Variants in CRYZL1 observed in about 807,000 individuals in gnomAD.
CRYZL1 encodes the protein ferry endosomal RAB5 effector complex subunit 4.
In CRYZL1, 34 loss-of-function variants were observed where a neutral mutation model predicts 50.6. The observed-to-expected ratio is 0.67, with a 90% CI of 0.51 to 0.89. The LOEUF (loss-of-function observed/expected upper bound fraction) is 0.89, where lower values mean the gene tolerates loss of function less well. Ranked by LOEUF, CRYZL1 falls within the 40% of genes least tolerant of loss-of-function variation. CRYZL1 has a pLI of 0.00. For synonymous variants in CRYZL1, 125 were observed against 134.3 expected (o/e 0.93, Z 0.48); for missense variants, 354 against 402.3 (o/e 0.88, Z 1.03).
At chr21:33,598,849 C>CTTTTTTTTTTTTTTTTT (rs2086722038) in intron 9 of CRYZL1, among the ~76,000 whole-genome samples, 1 of 148,556 alleles carries the variant, frequency 6.7e-6, no homozygotes. Context: ...ATTAGTGTTA[C>CTTTTTTTTTTTTTTTTT]TGTATTTTAT....
intron 4 of CRYZL1, among the ~76,000 whole-genome samples, chr21:33,617,625 G>A (rs1274608572): frequency 6.6e-6 from 1 of 152,040 alleles, no homozygotes; most frequent in Non-Finnish European, 1.5e-5. Context: ...ACTCTAAGGG[G>A]GTCCGTGTGA....
chr21:33,632,044 C>T (rs1231173868), intron 1 of CRYZL1, among the ~76,000 whole-genome samples: 3 of 151,788 alleles, frequency 2.0e-5, no homozygotes, highest in Admixed American at 6.6e-5. Flanking sequence ...AACTTATAGC[C>T]GGGCACAGTG....
In CRYZL1 at chr21:33,589,525, AG is replaced by A. The variant is rs1318843448; in HGVS notation, c.*296del. 1 of 470,216 alleles carries A rather than the reference AG, an allele frequency of 2.1e-6. No homozygotes were observed. The highest frequency in any genetic ancestry group is 3.4e-5 in the East Asian group (1 of 29,094). The allele number at this position is 470,216 out of a possible 1,614,324, so 29.1% of individuals were successfully genotyped here. ...GAGTAGTGTGACTTTTGCTGAAAGC[AG>A]CAGTTTTCTTCATGGAAGGAATTTT... On this transcript the variant is annotated 3_prime_UTR_variant, in exon 13 of 13. Coordinates refer to ENST00000381554, the MANE Select transcript of CRYZL1 (RefSeq NM_145858.3).
intron 1 of CRYZL1, among the ~76,000 whole-genome samples, chr21:33,635,778 A>T (rs577154062): frequency 6.6e-6 from 1 of 152,106 alleles, no homozygotes; most frequent in East Asian, 2.0e-4. Context: ...GTCAATAGAT[A>T]CAGACCATCC....
At chr21:33,607,778 G>A (rs537904510) in intron 6 of CRYZL1, among the ~76,000 whole-genome samples, 8 of 152,296 alleles carry the variant, frequency 5.3e-5, no homozygotes, top group Admixed American at 4.6e-4. Context: ...AACTTGCCGG[G>A]AAACTGAAAT....
At chr21:33,598,060 C>T (rs1472548880) in intron 9 of CRYZL1, among the ~76,000 whole-genome samples, 1 of 152,098 alleles carries the variant, frequency 6.6e-6, no homozygotes, top group African/African-American at 2.4e-5. Flanking sequence ...TGTAAATCTA[C>T]TTATTATAGA....
chr21:33,597,358 T>G lies in CRYZL1; in HGVS notation c.720A>C (p.Gln240His), dbSNP rs780076637. 1 of 1,603,590 alleles carries G rather than the reference T, an allele frequency of 6.2e-7. No individual in the cohort carries two copies. The highest frequency in any genetic ancestry group is 8.5e-7 in the Non-Finnish European group (1 of 1,170,406). The change falls in exon 10 of 13, where the codon CAA (glutamine) becomes CAC (histidine). Residue 240 changes from glutamine to histidine, a missense_variant. By Grantham distance (24) the Gln-to-His change is conservative. Transcript: ENST00000381554. ...SKDDEPAVKL[Q>H]LLPHKHDIIT... Reference sequence around the variant, plus strand: ...TGATATCATGTTTATGTGGTAGTAGTTGTAGTTTTACAGCTGGTTCATCAT... The same window carrying G: ...TGATATCATGTTTATGTGGTAGTAGGTGTAGTTTTACAGCTGGTTCATCAT...
chr21:33,613,635 A>C (rs1464450312), intron 5 of CRYZL1, 29 bp from the exon 6 acceptor site: 7 of 1,514,904 alleles, frequency 4.6e-6, no homozygotes, highest in South Asian at 1.1e-5. Flanking sequence ...AATTAAAGGG[A>C]TGTAAGTCAA....
intron 6 of CRYZL1, among the ~76,000 whole-genome samples, chr21:33,607,541 AG>A (rs2086826151): frequency 6.6e-6 from 1 of 152,098 alleles, no homozygotes; most frequent in Non-Finnish European, 1.5e-5. Context: ...CTGAGGTGGG[AG>A]GATCTCTTGA....
intron 4 of CRYZL1, among the ~76,000 whole-genome samples, chr21:33,617,934 G>A (rs187395740): frequency 5.9e-4 from 90 of 152,206 alleles, no homozygotes; most frequent in Non-Finnish European, 1.1e-3. Flanking sequence ...GAAGAGTGAC[G>A]TTAAAATTAC....
intron 1 of CRYZL1, among the ~76,000 whole-genome samples, chr21:33,634,904 TAA>T (rs35812082): frequency 2.2e-5 from 3 of 135,432 alleles, no homozygotes; most frequent in East Asian, 2.2e-4. Context: ...TATATATATA[TAA>T]AATAATGGCA....
At chr21:33,602,414 A>G in intron 7 of CRYZL1, 69 bp from the exon 8 acceptor site, 1 of 591,820 alleles carries the variant, frequency 1.7e-6, no homozygotes. Flanking sequence ...TGATTTCTTT[A>G]TATTATTTAA....
intron 6 of CRYZL1, among the ~76,000 whole-genome samples, chr21:33,612,128 A>G (rs2086878606): frequency 6.6e-6 from 1 of 152,168 alleles, no homozygotes; most frequent in South Asian, 2.1e-4. Flanking sequence ...AGTGCACATC[A>G]AATTTCCATA....
chr21:33,621,306 C>CA (rs201524236), intron 4 of CRYZL1, among the ~76,000 whole-genome samples: 3,193 of 133,332 alleles, frequency 0.024, 116 homozygotes, highest in Admixed American at 0.067. Flanking sequence ...GCTGATGAAC[C>CA]AAAAAAAAAA....
At chr21:33,599,562 T>C (rs2086729225) in intron 8 of CRYZL1, among the ~76,000 whole-genome samples, 1 of 152,150 alleles carries the variant, frequency 6.6e-6, no homozygotes, top group South Asian at 2.1e-4. Flanking sequence ...TTATAGGATA[T>C]GTTGCCAGAA....
At chr21:33,601,374 T>C (rs2086755103) in intron 8 of CRYZL1, among the ~76,000 whole-genome samples, 1 of 152,144 alleles carries the variant, frequency 6.6e-6, no homozygotes, top group Admixed American at 6.6e-5. Context: ...TAATGTGAGC[T>C]TTACTGTCAG....
intron 5 of CRYZL1, among the ~76,000 whole-genome samples, chr21:33,615,004 T>G (rs144084341): frequency 6.6e-6 from 1 of 152,036 alleles, no homozygotes; most frequent in East Asian, 1.9e-4. Flanking sequence ...AAGAAAGAAA[T>G]AATCAATTCT....
At position 33,602,040 on chromosome 21, in the gene CRYZL1, A is replaced by G. The variant is rs561488942; in HGVS notation, c.577+194T>C. ...AGATTATATATAGATGAGGTCTTCT[A>G]TGTTGCTCAGGCTGGTCTCAAACTC... On this transcript the variant is annotated intron_variant, in intron 8 of 12. Coordinates refer to ENST00000381554, the MANE Select transcript of CRYZL1 (RefSeq NM_145858.3). 4.2e-5 allele frequency among the ~76,000 whole-genome samples: 6 copies of G among 144,344 alleles called. No homozygotes were observed. The East Asian group carries it at 1.2e-3, about 29-fold the overall frequency. The allele number at this position is 144,344 out of a possible 152,430, so 94.7% of individuals were successfully genotyped here.
chr21:33,640,089 G>A, intron 1 of CRYZL1: 2 of 1,517,252 alleles, frequency 1.3e-6, no homozygotes, highest in Middle Eastern at 2.3e-4. Context: ...GCCTCCCAAA[G>A]TGCTGGGATT....
Sources: allele counts gnomAD v4.1 joint callset (sites outside exome capture counted in the v4.1 genomes callset), GRCh38; gene constraint gnomAD v4.1.1; transcripts MANE v1.5; gene names NCBI Gene and HGNC (gene_info 2026-07-23, HGNC 2026-07-21).